The following ATF6 variants were observed in gnomAD, a reference collection of about 807,000 sequenced individuals.
ATF6 encodes activating transcription factor 6, also known as cyclic AMP-dependent transcription factor ATF-6 alpha.
Under a neutral mutation model 83.6 loss-of-function variants are expected in ATF6, and 53 were observed. The ratio of observed to expected loss-of-function variants is 0.63; its 90% CI spans 0.51 to 0.80. The LOEUF (loss-of-function observed/expected upper bound fraction) is 0.80. Ranked by LOEUF, ATF6 falls within the 30% of genes least tolerant of loss-of-function variation. The pLI is 0.00. For missense variants in ATF6, 744 were observed against 797.9 expected, an observed-to-expected ratio of 0.93 and a Z score of 0.81; for synonymous variants, 288 against 285.8, an observed-to-expected ratio of 1.01 and a Z score of -0.08.
rs1454295478 is a variant in ATF6, at chr1:161,886,970, G to A, written c.1719+23658G>A. Among the ~76,000 whole-genome samples, 6 of 152,176 alleles carry A rather than the reference G, an allele frequency of 3.9e-5. No homozygotes were observed. In the South Asian group the frequency reaches 8.3e-4, roughly 21 times the overall value. On this transcript the variant is annotated intron_variant, in intron 14 of 15. Coordinates refer to ENST00000367942, the MANE Select transcript of ATF6 (RefSeq NM_007348.4). ...GAGACATTGCAGCAAGTACCTCTACGTTGTTTGTTTCTGTACCCTTAACTT... is the reference window on the plus strand; with the variant it reads ...GAGACATTGCAGCAAGTACCTCTACATTGTTTGTTTCTGTACCCTTAACTT...
chr1:161,895,481 G>A lies in ATF6; in HGVS notation c.1720-16815G>A, dbSNP rs950200043. ...AAATCCAATCTAATATTATAACTTC[G>A]TTTGATAGATATCCCCTGATTCAGA... On this transcript the variant is annotated intron_variant, in intron 14 of 15. Transcript: ENST00000367942. Among the ~76,000 whole-genome samples, 20 of 152,186 alleles carry A rather than the reference G, an allele frequency of 1.3e-4. No homozygotes were observed. In the South Asian group the frequency reaches 3.1e-3, roughly 24 times the overall value.
At chr1:161,799,825 ATG>A (rs1278601190) in intron 6 of ATF6, among the ~76,000 whole-genome samples, 1 of 152,200 alleles carries the variant, frequency 6.6e-6, no homozygotes, top group Non-Finnish European at 1.5e-5. Context: ...GCCAAGACAG[ATG>A]TTCTTGACAA....
chr1:161,905,047 G>C (rs1262228696), intron 14 of ATF6, among the ~76,000 whole-genome samples: 1 of 152,176 alleles, frequency 6.6e-6, no homozygotes, highest in Non-Finnish European at 1.5e-5. Flanking sequence ...GCTTTGAAAA[G>C]GATCAAGATC....
At chr1:161,912,414 G>A (rs1558022220) in intron 15 of ATF6, 34 bp downstream of exon 15, 1 of 1,452,742 alleles carries the variant, frequency 6.9e-7, no homozygotes, top group Non-Finnish European at 9.5e-7. Flanking sequence ...AACAATATGA[G>A]ATTTCTTTGT....
intron 15 of ATF6, among the ~76,000 whole-genome samples, chr1:161,931,087 C>G (rs1198937441): frequency 6.6e-6 from 1 of 152,112 alleles, no homozygotes; most frequent in Non-Finnish European, 1.5e-5. Flanking sequence ...GTTGGCCAGG[C>G]TGGTCTCAAA....
intron 9 of ATF6, among the ~76,000 whole-genome samples, chr1:161,841,909 A>G (rs1032172535): frequency 2.0e-5 from 3 of 152,194 alleles, no homozygotes; most frequent in East Asian, 1.9e-4. Context: ...GGGATAGACT[A>G]CAAGGATAGT....
At chr1:161,914,939 A>G (rs1355962553) in intron 15 of ATF6, among the ~76,000 whole-genome samples, 1 of 152,232 alleles carries the variant, frequency 6.6e-6, no homozygotes, top group East Asian at 1.9e-4. Context: ...TTCAGTGAGA[A>G]CAAGTAGATT....
intron 6 of ATF6, among the ~76,000 whole-genome samples, chr1:161,799,345 T>C (rs900559276): frequency 6.6e-6 from 1 of 151,936 alleles, no homozygotes; most frequent in South Asian, 2.1e-4. Flanking sequence ...AACCAAATAC[T>C]TCATGTTCTG....
At chr1:161,902,600 TTGCC>T (rs1333942368) in intron 14 of ATF6, among the ~76,000 whole-genome samples, 2 of 152,208 alleles carry the variant, frequency 1.3e-5, no homozygotes, top group Non-Finnish European at 2.9e-5. Flanking sequence ...TTAGAGATTC[TTGCC>T]TCCTTAGGGA....
chr1:161,810,197 A>C (rs1685421659), intron 7 of ATF6, among the ~76,000 whole-genome samples: 1 of 152,212 alleles, frequency 6.6e-6, no homozygotes, highest in African/African-American at 2.4e-5. Flanking sequence ...TTTATAAAGA[A>C]AAGAGGTTTA....
intron 9 of ATF6, among the ~76,000 whole-genome samples, chr1:161,838,408 A>T (rs1197249299): frequency 6.6e-6 from 1 of 152,198 alleles, no homozygotes; most frequent in Non-Finnish European, 1.5e-5. Flanking sequence ...TTTGGTAAAG[A>T]AATCTGCAAA....
chr1:161,953,919 T>G (rs769281962), intron 15 of ATF6, among the ~76,000 whole-genome samples: 1 of 152,154 alleles, frequency 6.6e-6, no homozygotes, highest in African/African-American at 2.4e-5. Context: ...AATGGAACAT[T>G]TATAAATTGG....
chr1:161,951,722 T>C (rs1688867076), intron 15 of ATF6, among the ~76,000 whole-genome samples: 1 of 152,236 alleles, frequency 6.6e-6, no homozygotes, highest in Non-Finnish European at 1.5e-5. Flanking sequence ...AGGAAATGCA[T>C]TTGTTTGATG....
intron 14 of ATF6, among the ~76,000 whole-genome samples, chr1:161,896,932 G>C (rs1178268824): frequency 6.6e-6 from 1 of 152,082 alleles, no homozygotes; most frequent in African/African-American, 2.4e-5. Context: ...TCCATTTCAG[G>C]CTAGTGCACT....
intron 15 of ATF6, among the ~76,000 whole-genome samples, chr1:161,942,086 CT>C (rs1688658167): frequency 6.6e-6 from 1 of 152,116 alleles, no homozygotes; most frequent in Admixed American, 6.5e-5. Context: ...CAACAGCTTT[CT>C]CTGGGTTCTT....
chr1:161,946,089 T>G (rs974630836), intron 15 of ATF6, among the ~76,000 whole-genome samples: 1 of 152,176 alleles, frequency 6.6e-6, no homozygotes, highest in African/African-American at 2.4e-5. Flanking sequence ...TTCTGCAGCC[T>G]CAACCTCCCA....
chr1:161,787,128 C>G (rs144311863), intron 4 of ATF6, among the ~76,000 whole-genome samples: 5 of 152,238 alleles, frequency 3.3e-5, no homozygotes, highest in Non-Finnish European at 4.4e-5. Context: ...TTTTCTAATA[C>G]TGATTATTTT....
chr1:161,865,444 C>T (rs1686976103), intron 14 of ATF6, among the ~76,000 whole-genome samples: 1 of 152,150 alleles, frequency 6.6e-6, no homozygotes, highest in African/African-American at 2.4e-5. Flanking sequence ...AGGCATGAGC[C>T]ACCGCGCCCA....
chr1:161,912,408 A>G (rs1688009603), intron 15 of ATF6, 28 bp downstream of exon 15: 3 of 1,481,204 alleles, frequency 2.0e-6, no homozygotes, highest in Non-Finnish European at 1.9e-6. Flanking sequence ...TGTATGAACA[A>G]TATGAGATTT....
Sources: allele counts gnomAD v4.1 joint callset (sites outside exome capture counted in the v4.1 genomes callset), GRCh38; gene constraint gnomAD v4.1.1; transcripts MANE v1.5; gene names NCBI Gene and HGNC (gene_info 2026-07-23, HGNC 2026-07-21).